Variants in MPZL2 observed in about 807,000 individuals in gnomAD.
The protein encoded by MPZL2 is myelin protein zero like 2, also known as myelin protein zero-like protein 2.
Under a neutral mutation model 24.5 loss-of-function variants are expected in MPZL2, and 32 were observed. The ratio of observed to expected loss-of-function variants is 1.31; its 90% CI spans 0.99 to 1.76. The LOEUF is 1.76. Among genes scored for constraint, MPZL2 ranks in the 40% most tolerant of loss-of-function variants. MPZL2 has a pLI of 0.00. For synonymous variants in MPZL2, 92 were observed against 97.9 expected, an observed-to-expected ratio of 0.94 and a Z score of 0.36; for missense variants, 304 against 274.9, an observed-to-expected ratio of 1.11 and a Z score of -0.75.
In MPZL2 at chr11:118,264,086, C is replaced by T. The variant is rs1486378086; in HGVS notation, c.58+10G>A. The T allele has an allele frequency of 6.8e-6, 11 of 1,613,816 alleles. No homozygotes were observed. Among genetic ancestry groups the T allele is most frequent in the South Asian group, 1.1e-5 (1 of 91,062 alleles). The stretch of plus-strand genomic sequence containing the variant: ...GGAGGAAACTCTGAGAGAAGCCCGC[C>T]GGCTCTTACCTGTGAGCTGTATGCC... On this transcript the variant is annotated intron_variant, in intron 1 of 5. Coordinates refer to ENST00000278937, the MANE Select transcript of MPZL2 (RefSeq NM_005797.4).
intron 4 of MPZL2, among the ~76,000 whole-genome samples, chr11:118,258,894 C>T (rs189317693): frequency 2.6e-3 from 398 of 152,120 alleles, no homozygotes; most frequent in African/African-American, 9.3e-3. Flanking sequence ...CAACCAACAT[C>T]GGCGCCATGC....
chr11:118,254,348 T>G lies in MPZL2; in HGVS notation c.*898A>C, dbSNP rs1162878812. On this transcript the variant is annotated 3_prime_UTR_variant, in exon 6 of 6. Transcript: ENST00000278937. ...GCCCTGAATTTTCAAACTTGTAATATGCTGTTTCACAATTTTTTTATTAAA... is the reference window on the plus strand; with the variant it reads ...GCCCTGAATTTTCAAACTTGTAATAGGCTGTTTCACAATTTTTTTATTAAA... The G allele has an allele frequency of 6.6e-6, 1 of 152,206 alleles. No individual in the cohort carries two copies. The highest frequency in any genetic ancestry group is 1.5e-5 in the Non-Finnish European group (1 of 68,028). 9.4% of individuals were successfully genotyped at this position (152,206 alleles called of 1,614,324 possible).
chr11:118,260,941 C>G (rs1490950318), intron 3 of MPZL2, among the ~76,000 whole-genome samples: 1 of 152,094 alleles, frequency 6.6e-6, no homozygotes, highest in Admixed American at 6.5e-5. Flanking sequence ...ATGTCTAGCC[C>G]AGGATTCCCA....
intron 2 of MPZL2, 25 bp from the exon 3 acceptor site, chr11:118,262,673 T>G (rs774252515): frequency 1.0e-5 from 16 of 1,606,300 alleles, no homozygotes; most frequent in Non-Finnish European, 1.3e-5. Flanking sequence ...TGGCAAAAGG[T>G]CTTCTTACTC....
intron 5 of MPZL2, among the ~76,000 whole-genome samples, chr11:118,256,049 A>G (rs1949657949): frequency 6.6e-6 from 1 of 152,230 alleles, no homozygotes; most frequent in Non-Finnish European, 1.5e-5. Flanking sequence ...TTGGTTGGTA[A>G]AAACTCCCTA....
At chr11:118,260,646 CTCAG>C (rs1949694621) in intron 3 of MPZL2, among the ~76,000 whole-genome samples, 1 of 152,210 alleles carries the variant, frequency 6.6e-6, no homozygotes, top group Non-Finnish European at 1.5e-5. Context: ...ACCACTTTCA[CTCAG>C]TCAGTTATTT....
At chr11:118,261,147 C>T (rs1213189802) in intron 3 of MPZL2, among the ~76,000 whole-genome samples, 1 of 152,190 alleles carries the variant, frequency 6.6e-6, no homozygotes, top group East Asian at 1.9e-4. Flanking sequence ...CTTCATTGTG[C>T]AGATGAAGAA....
At chr11:118,258,849 C>T (rs1949679386) in intron 4 of MPZL2, among the ~76,000 whole-genome samples, 1 of 152,048 alleles carries the variant, frequency 6.6e-6, no homozygotes, top group South Asian at 2.1e-4. Context: ...TGCCTTCTGC[C>T]ATCGGTAAAA....
At chr11:118,259,874 A>T in intron 4 of MPZL2, 180 bp downstream of exon 4, 2 of 647,522 alleles carry the variant, frequency 3.1e-6, no homozygotes, top group Non-Finnish European at 4.9e-6. Flanking sequence ...TTGTAAAATT[A>T]AGAAAGCTTT....
At chr11:118,260,655 T>A (rs180989312) in intron 3 of MPZL2, among the ~76,000 whole-genome samples, 2 of 152,294 alleles carry the variant, frequency 1.3e-5, no homozygotes, top group Non-Finnish European at 2.9e-5. Context: ...ACTCAGTCAG[T>A]TATTTATTCA....
intron 4 of MPZL2, among the ~76,000 whole-genome samples, chr11:118,258,463 C>A (rs1380955923): frequency 1.3e-5 from 2 of 152,088 alleles, no homozygotes; most frequent in Non-Finnish European, 2.9e-5. Flanking sequence ...TTAAAATGGG[C>A]AAACTCTGAA....
At chr11:118,259,966 C>T (rs1949688110) in intron 4 of MPZL2, 88 bp downstream of exon 4, 1 of 1,446,770 alleles carries the variant, frequency 6.9e-7, no homozygotes. Context: ...AAGGGAAAAA[C>T]ATCTGTTCAG....
chr11:118,255,733 T>C, intron 5 of MPZL2, among the ~76,000 whole-genome samples: 1 of 152,204 alleles, frequency 6.6e-6, no homozygotes, highest in East Asian at 1.9e-4. Context: ...GTAAGAATTT[T>C]TCAAAATAGG....
intron 3 of MPZL2, among the ~76,000 whole-genome samples, chr11:118,260,498 C>A (rs762020350): frequency 1.3e-4 from 20 of 152,184 alleles, no homozygotes; most frequent in Admixed American, 3.3e-4. Flanking sequence ...TGCGGCTGAG[C>A]AATCTGTGTC....
At chr11:118,261,304 T>C (rs1343995987) in intron 3 of MPZL2, among the ~76,000 whole-genome samples, 1 of 152,334 alleles carries the variant, frequency 6.6e-6, no homozygotes, top group East Asian at 1.9e-4. Context: ...CAGGCTTATA[T>C]GTTTGGAGTA....
chr11:118,262,948 C>A lies in MPZL2; in HGVS notation c.208G>T (p.Gly70Trp). 2.5e-6 allele frequency: 4 copies of A among 1,614,026 alleles called. No individual in the cohort carries two copies. The highest frequency in any genetic ancestry group is 3.4e-6 in the Non-Finnish European group (4 of 1,179,980). ...CTACTTACAAACTGCTCAGGTCCCC[C>A]GTCTAGAGGACGAAAATTCCAGGTC... ...TVTWNFRPLD[G>W]GPEQFVFYYH... The change falls in exon 2 of 6, where the codon GGG (glycine) becomes TGG (tryptophan). Residue 70 changes from glycine (G) to tryptophan (W), a missense_variant. Transcript: ENST00000278937.
intron 4 of MPZL2, chr11:118,259,389 A>G (rs1299479755): frequency 6.6e-6 from 1 of 152,244 alleles, no homozygotes; most frequent in Non-Finnish European, 1.5e-5. Flanking sequence ...GCATTATGCT[A>G]AGTGAAAGAA....
intron 3 of MPZL2, among the ~76,000 whole-genome samples, chr11:118,261,172 C>A (rs1387943977): frequency 6.6e-6 from 1 of 152,212 alleles, no homozygotes; most frequent in Non-Finnish European, 1.5e-5. Context: ...AGGTCCAAAA[C>A]CATTACATTA....
chr11:118,258,824 T>C (rs1238882834), intron 4 of MPZL2, among the ~76,000 whole-genome samples: 1 of 152,082 alleles, frequency 6.6e-6, no homozygotes, highest in Non-Finnish European at 1.5e-5. Flanking sequence ...CCATGCAAAA[T>C]TCCTGCTCCC....
Sources: gnomAD v4.1 joint callset for allele counts (sites outside exome capture counted in the v4.1 genomes callset) on GRCh38, gnomAD v4.1.1 for gene constraint, MANE v1.5 for transcripts, NCBI Gene and HGNC (gene_info 2026-07-23, HGNC 2026-07-21) for gene names.